The following KCNH7 variants were observed in gnomAD, a reference collection of about 807,000 sequenced individuals.
The protein encoded by KCNH7 is potassium voltage-gated channel subfamily H member 7.
KCNH7 carries 49 observed loss-of-function variants against 120.8 expected under a neutral mutation model. The observed-to-expected ratio is 0.41, with a 90% confidence interval of 0.32 to 0.51. KCNH7 has a LOEUF of 0.51. Ranked by LOEUF, KCNH7 falls within the 20% of genes least tolerant of loss-of-function variation. The probability of loss-of-function intolerance (pLI) is 0.38; values close to 1 mark genes in which losing one functional copy is unlikely to be tolerated. For missense variants in KCNH7, 1,097 were observed against 1,446.6 expected, an observed-to-expected ratio of 0.76 and a Z score of 3.92; for synonymous variants, 547 against 516.1, an observed-to-expected ratio of 1.06 and a Z score of -0.81.
chr2:162,826,565 G>T (rs1685294853), intron 2 of KCNH7, among the ~76,000 whole-genome samples: 1 of 152,106 alleles, frequency 6.6e-6, no homozygotes. Context: ...TAATTTCTCA[G>T]TTAATAAACA....
intron 2 of KCNH7, among the ~76,000 whole-genome samples, chr2:162,581,588 C>G (rs1161274403): frequency 8.5e-6 from 1 of 117,388 alleles, no homozygotes; most frequent in Non-Finnish European, 1.7e-5. Flanking sequence ...TGTTTAACTG[C>G]AATTCTTTTA....
chr2:162,555,817 T>A (rs1692836530), intron 2 of KCNH7, among the ~76,000 whole-genome samples: 1 of 152,110 alleles, frequency 6.6e-6, no homozygotes, highest in South Asian at 2.1e-4. Flanking sequence ...CATATAATGA[T>A]AAAATATTCT....
chr2:162,523,794 T>G (rs1019494851), intron 3 of KCNH7, among the ~76,000 whole-genome samples: 2 of 152,002 alleles, frequency 1.3e-5, no homozygotes, highest in African/African-American at 4.8e-5. Context: ...TCTCCTTCAC[T>G]CAATTTTTCA....
At chr2:162,684,344 C>G (rs142796265) in intron 2 of KCNH7, among the ~76,000 whole-genome samples, 1 of 152,036 alleles carries the variant, frequency 6.6e-6, no homozygotes, top group East Asian at 1.9e-4. Flanking sequence ...CCAAAATTGA[C>G]GAATGACATC....
At chr2:162,765,827 A>T (rs900587287) in intron 2 of KCNH7, among the ~76,000 whole-genome samples, 7 of 152,136 alleles carry the variant, frequency 4.6e-5, no homozygotes, top group Non-Finnish European at 1.0e-4. Flanking sequence ...TGGTACAATC[A>T]TAGCTCACAG....
chr2:162,551,364 A>T (rs1344318197), intron 2 of KCNH7, among the ~76,000 whole-genome samples: 1 of 152,216 alleles, frequency 6.6e-6, no homozygotes, highest in Non-Finnish European at 1.5e-5. Flanking sequence ...TGAATGAAAA[A>T]ACAAGCAGTA....
chr2:162,470,279 C>T (rs1031528776), intron 6 of KCNH7, among the ~76,000 whole-genome samples: 22 of 151,292 alleles, frequency 1.5e-4, no homozygotes, highest in Non-Finnish European at 2.4e-4. Flanking sequence ...TCTGCCCGCC[C>T]GCCCATCGTC....
At chr2:162,391,944 A>G (rs192794496) in intron 12 of KCNH7, among the ~76,000 whole-genome samples, 2 of 152,176 alleles carry the variant, frequency 1.3e-5, no homozygotes, top group Admixed American at 6.5e-5. Flanking sequence ...AATTAAAGAC[A>G]TTGCAGAACA....
intron 2 of KCNH7, among the ~76,000 whole-genome samples, chr2:162,804,080 A>T (rs1684445110): frequency 6.6e-6 from 1 of 151,904 alleles, no homozygotes; most frequent in Admixed American, 6.6e-5. Context: ...AACATTAAGT[A>T]TATCTAAATT....
chr2:162,372,701 A>G (rs1480277633), intron 15 of KCNH7, among the ~76,000 whole-genome samples: 1 of 152,134 alleles, frequency 6.6e-6, no homozygotes, highest in Non-Finnish European at 1.5e-5. Context: ...CCGAACATCT[A>G]AAAAAGTTTT....
chr2:162,565,330 A>G (rs1485969), intron 2 of KCNH7, among the ~76,000 whole-genome samples: 1 of 151,450 alleles, frequency 6.6e-6, no homozygotes, highest in African/African-American at 2.4e-5. Context: ...AAAAAACGTA[A>G]CTAGTCCTAG....
intron 2 of KCNH7, among the ~76,000 whole-genome samples, chr2:162,652,582 A>G (rs561126081): frequency 6.6e-5 from 10 of 152,246 alleles, no homozygotes; most frequent in East Asian, 3.9e-4. Flanking sequence ...TCACGCTCCT[A>G]TGAGAATCTA....
chr2:162,760,053 T>G (rs1451783030), intron 2 of KCNH7, among the ~76,000 whole-genome samples: 3 of 152,152 alleles, frequency 2.0e-5, no homozygotes, highest in Non-Finnish European at 1.5e-5. Flanking sequence ...GTTAACCAAG[T>G]GTACGGTCAT....
chr2:162,547,041 A>C (rs1692503431), intron 2 of KCNH7, among the ~76,000 whole-genome samples: 1 of 152,088 alleles, frequency 6.6e-6, no homozygotes, highest in African/African-American at 2.4e-5. Context: ...ACAGTTCTGC[A>C]TGGTTGGGGA....
intron 2 of KCNH7, among the ~76,000 whole-genome samples, chr2:162,751,158 A>G (rs1324121478): frequency 3.9e-5 from 6 of 152,138 alleles, no homozygotes. Context: ...CTCATATAAC[A>G]TTATATTTAA....
At chr2:162,794,379 C>T (rs1684061906) in intron 2 of KCNH7, among the ~76,000 whole-genome samples, 1 of 151,968 alleles carries the variant, frequency 6.6e-6, no homozygotes, top group African/African-American at 2.4e-5. Flanking sequence ...TTGTTCTTGC[C>T]TATGATCTAT....
At chr2:162,673,052 T>C (rs1685412740) in intron 2 of KCNH7, among the ~76,000 whole-genome samples, 1 of 152,080 alleles carries the variant, frequency 6.6e-6, no homozygotes, top group African/African-American at 2.4e-5. Flanking sequence ...GTATCAATAC[T>C]TTATAATAGT....
At chr2:162,464,858 G>A (rs1427830665) in intron 6 of KCNH7, among the ~76,000 whole-genome samples, 1 of 152,012 alleles carries the variant, frequency 6.6e-6, no homozygotes, top group Non-Finnish European at 1.5e-5. Flanking sequence ...TCTGTTCTAT[G>A]TTGGCGTCTA....
intron 3 of KCNH7, among the ~76,000 whole-genome samples, chr2:162,533,186 AC>A (rs1691988622): frequency 6.6e-6 from 1 of 151,810 alleles, no homozygotes; most frequent in African/African-American, 2.4e-5. Context: ...TACCAAAAAA[AC>A]CCCGAAACCA....
Sources: allele counts gnomAD v4.1 joint callset (sites outside exome capture counted in the v4.1 genomes callset), GRCh38; gene constraint gnomAD v4.1.1; transcripts MANE v1.5; gene names NCBI Gene and HGNC (gene_info 2026-07-23, HGNC 2026-07-21).